Variants in PIP5K1B observed in about 807,000 individuals in gnomAD.
PIP5K1B encodes the protein phosphatidylinositol 4-phosphate 5-kinase type-1 beta.
In PIP5K1B, 42 loss-of-function variants were observed where a neutral mutation model predicts 67.0. The ratio of observed to expected loss-of-function variants is 0.63; its 90% confidence interval spans 0.49 to 0.81. PIP5K1B has a LOEUF of 0.81. Among genes scored for constraint, PIP5K1B ranks in the 30% least tolerant of loss-of-function variants. The pLI, the probability that PIP5K1B is intolerant of heterozygous loss-of-function variation, is 0.00. For synonymous variants in PIP5K1B, 214 were observed against 231.4 expected, an observed-to-expected ratio of 0.92 and a Z score of 0.68; for missense variants, 459 against 646.3, an observed-to-expected ratio of 0.71 and a Z score of 3.14.
intron 14 of PIP5K1B, among the ~76,000 whole-genome samples, chr9:68,952,872 T>TATA (rs999111906): frequency 2.0e-4 from 30 of 149,724 alleles, no homozygotes; most frequent in African/African-American, 7.3e-4. Context: ...TCTTTCTTCC[T>TATA]ATTATTATTA....
intron 1 of PIP5K1B, among the ~76,000 whole-genome samples, chr9:68,716,041 T>C (rs1450501282): frequency 6.6e-6 from 1 of 152,246 alleles, no homozygotes; most frequent in South Asian, 2.1e-4. Context: ...CCATATTTAT[T>C]TGTACCTCTG....
At chr9:68,989,823 T>C (rs1302366759) in intron 14 of PIP5K1B, among the ~76,000 whole-genome samples, 1 of 151,664 alleles carries the variant, frequency 6.6e-6, no homozygotes, top group Non-Finnish European at 1.5e-5. Context: ...CTACGAAAAA[T>C]ACAAAAATTA....
At chr9:68,839,650 G>A (rs1328081112) in intron 4 of PIP5K1B, among the ~76,000 whole-genome samples, 1 of 152,182 alleles carries the variant, frequency 6.6e-6, no homozygotes, top group East Asian at 1.9e-4. Flanking sequence ...TGTCATGAGA[G>A]TTTGAATTTA....
At chr9:68,726,879 G>A (rs1312852764) in intron 1 of PIP5K1B, among the ~76,000 whole-genome samples, 2 of 151,918 alleles carry the variant, frequency 1.3e-5, no homozygotes, top group Non-Finnish European at 2.9e-5. Flanking sequence ...TTGCATTTCC[G>A]TGACGGCTAA....
chr9:68,960,254 A>T (rs1828642038), intron 14 of PIP5K1B, among the ~76,000 whole-genome samples: 1 of 152,300 alleles, frequency 6.6e-6, no homozygotes, highest in African/African-American at 2.4e-5. Context: ...GTTCAGATTT[A>T]TCCGTTTCCT....
intron 4 of PIP5K1B, among the ~76,000 whole-genome samples, chr9:68,830,056 A>G (rs926526890): frequency 2.0e-5 from 3 of 152,130 alleles, no homozygotes; most frequent in African/African-American, 7.2e-5. Flanking sequence ...TTAAAATCAG[A>G]GAGAAAGATG....
At chr9:68,753,935 C>T (rs1004481624) in intron 2 of PIP5K1B, among the ~76,000 whole-genome samples, 15 of 152,134 alleles carry the variant, frequency 9.9e-5, no homozygotes, top group African/African-American at 3.6e-4. Flanking sequence ...GCTGGGATTA[C>T]AGGCGTGAGC....
chr9:68,875,970 A>G (rs1823873161), intron 5 of PIP5K1B, among the ~76,000 whole-genome samples: 1 of 152,198 alleles, frequency 6.6e-6, no homozygotes, highest in African/African-American at 2.4e-5. Context: ...AGGGGCTTCA[A>G]CTGTATGGAT....
chr9:68,920,354 G>GATGTTTTTTTTTTTT (rs1356916901), intron 11 of PIP5K1B, among the ~76,000 whole-genome samples: 2 of 114,364 alleles, frequency 1.7e-5, no homozygotes, highest in African/African-American at 6.7e-5. Context: ...GCTGCCTGAG[G>GATGTTTTTTTTTTTT]TTGTCTTTTT....
chr9:68,874,956 TA>T (rs773564760), intron 5 of PIP5K1B, among the ~76,000 whole-genome samples: 2 of 152,190 alleles, frequency 1.3e-5, no homozygotes, highest in African/African-American at 2.4e-5. Context: ...AATAAATTAT[TA>T]CATGCCATAT....
chr9:68,755,764 A>G (rs1013896329), intron 2 of PIP5K1B, among the ~76,000 whole-genome samples: 1 of 152,202 alleles, frequency 6.6e-6, no homozygotes, highest in Admixed American at 6.5e-5. Flanking sequence ...CTGAAGTAAG[A>G]GGTGGTCTGT....
chr9:68,819,217 A>G (rs1431777362), intron 3 of PIP5K1B, among the ~76,000 whole-genome samples: 2 of 152,192 alleles, frequency 1.3e-5, no homozygotes, highest in Non-Finnish European at 1.5e-5. Flanking sequence ...GATTGATTCT[A>G]GGACCTGTGG....
rs547753442 is a variant in PIP5K1B, at chr9:68,960,004, G to A, written c.1502+19214G>A. Among the ~76,000 whole-genome samples, 12 of 152,276 alleles carry A rather than the reference G, an allele frequency of 7.9e-5. No individual in the cohort carries two copies. In the South Asian group the frequency reaches 2.3e-3, roughly 29 times the overall value. On this transcript the variant is annotated intron_variant, in intron 14 of 15. Coordinates refer to ENST00000265382, the MANE Select transcript of PIP5K1B (RefSeq NM_003558.4). ...CTAAAGTTGGCTCCACTGCTTCATA[G>A]TGTTTATATTTCCCTCTTCTTGGTT...
chr9:68,807,902 A>C (rs1180689704), intron 2 of PIP5K1B, among the ~76,000 whole-genome samples: 1 of 152,224 alleles, frequency 6.6e-6, no homozygotes, highest in Non-Finnish European at 1.5e-5. Flanking sequence ...AATGTATGGT[A>C]AAAACTAGGG....
intron 15 of PIP5K1B, among the ~76,000 whole-genome samples, chr9:69,002,910 G>A (rs574821524): frequency 6.6e-6 from 1 of 152,214 alleles, no homozygotes; most frequent in Non-Finnish European, 1.5e-5. Flanking sequence ...TTGAACGCAG[G>A]AGGCGGAGGT....
At chr9:68,753,342 A>T (rs374148235) in intron 2 of PIP5K1B, among the ~76,000 whole-genome samples, 4 of 133,860 alleles carry the variant, frequency 3.0e-5, no homozygotes, top group African/African-American at 5.6e-5. Flanking sequence ...CATTTTCTTG[A>T]TTTTTTTTTT....
intron 9 of PIP5K1B, among the ~76,000 whole-genome samples, chr9:68,918,777 T>G (rs1826225047): frequency 6.6e-6 from 1 of 152,220 alleles, no homozygotes; most frequent in Admixed American, 6.5e-5. Context: ...TTTTGAAAAG[T>G]TCTTTCTTGC....
intron 15 of PIP5K1B, among the ~76,000 whole-genome samples, chr9:69,005,990 C>T (rs1831061421): frequency 1.3e-5 from 2 of 152,172 alleles, no homozygotes; most frequent in African/African-American, 4.8e-5. Context: ...AGCAATCCTC[C>T]CACCTTAGCC....
chr9:68,905,374 G>A (rs1027827940), intron 8 of PIP5K1B, among the ~76,000 whole-genome samples: 3 of 152,142 alleles, frequency 2.0e-5, no homozygotes, highest in South Asian at 2.1e-4. Context: ...GGATTCTGAC[G>A]TAAGCCAGTC....
Sources: gnomAD v4.1 joint callset for allele counts (sites outside exome capture counted in the v4.1 genomes callset) on GRCh38, gnomAD v4.1.1 for gene constraint, MANE v1.5 for transcripts, NCBI Gene and HGNC (gene_info 2026-07-23, HGNC 2026-07-21) for gene names.